ELAPOR2: variants seen among roughly 807,000 people sequenced by gnomAD.
ELAPOR2 encodes endosome/lysosome-associated apoptosis and autophagy regulator family member 2.
A neutral mutation model predicts 120.7 loss-of-function variants in ELAPOR2; 89 were observed. That is an observed-to-expected ratio of 0.74 (90% confidence interval 0.62 to 0.88). The LOEUF (loss-of-function observed/expected upper bound fraction) is 0.88. ELAPOR2 is among the 40% of genes least tolerant of loss of function. The pLI is 0.00. For missense variants in ELAPOR2, 1,134 were observed against 1,251.6 expected (o/e 0.91, Z 1.42); for synonymous variants, 444 against 444.9 (o/e 1.00, Z 0.03).
chr7:86,944,963 T>C lies in ELAPOR2; in HGVS notation c.590A>G (p.Lys197Arg). Reference sequence around the variant, plus strand: ...CTCAAAGAAGACATAGCCTGACTTCTTAAGGTGCACAGCATAGATCAAAGA... The same window carrying C: ...CTCAAAGAAGACATAGCCTGACTTCCTAAGGTGCACAGCATAGATCAAAGA... ...TVSLIYAVHL[K>R]KSGYVFFEYQ... The change falls in exon 4 of 22, where the codon AAG becomes AGG. Residue 197 changes from lysine (K) to arginine (R), a missense_variant. Lys to Arg is a conservative substitution (Grantham distance 26). Transcript: ENST00000450689. 1 of 1,550,906 alleles carries C rather than the reference T, an allele frequency of 6.4e-7. No homozygotes were observed. Among genetic ancestry groups the C allele is most frequent in the Non-Finnish European group, 8.7e-7 (1 of 1,146,552 alleles).
intron 1 of ELAPOR2, among the ~76,000 whole-genome samples, chr7:86,979,223 G>A (rs1792379435): frequency 6.6e-6 from 1 of 152,010 alleles, no homozygotes; most frequent in African/African-American, 2.4e-5. Context: ...ATAATTAAGA[G>A]GACAAAAGTT....
At chr7:86,960,666 T>A (rs1482671830) in intron 2 of ELAPOR2, among the ~76,000 whole-genome samples, 2 of 152,228 alleles carry the variant, frequency 1.3e-5, no homozygotes. Flanking sequence ...GAACTGTCAA[T>A]GTCTGCTTTA....
chr7:87,005,962 C>T (rs1793457097), intron 1 of ELAPOR2, among the ~76,000 whole-genome samples: 1 of 152,088 alleles, frequency 6.6e-6, no homozygotes, highest in Non-Finnish European at 1.5e-5. Context: ...CAAAACATGA[C>T]ATTAAGAAAA....
chr7:86,893,091 A>G lies in ELAPOR2; in HGVS notation c.2695T>C (p.Tyr899His). 1 of 1,534,980 alleles carries G rather than the reference A, an allele frequency of 6.5e-7. No individual in the cohort carries two copies. The highest frequency in any genetic ancestry group is 8.7e-7 in the Non-Finnish European group (1 of 1,152,020). Residue 899 changes from tyrosine (Y) to histidine (H), a missense_variant, in exon 20 of 22, where the codon TAT becomes CAT. Tyr to His is a moderately conservative substitution (Grantham distance 83). This residue lies in a region of ELAPOR2 where 831 missense variants were observed against 867.6 expected (regional missense o/e 0.96). Coordinates refer to ENST00000450689, the MANE Select transcript of ELAPOR2 (RefSeq NM_001142749.3). ...CACCATTTAGGTTCATTCCACACAT[A>G]CAAGGTTTCCTTTAAAAAAAAAAAC... ...ACKRGFQETL[Y>H]VWNEPKWCIK...
Position 87,007,135 on chromosome 7 carries a change from G to A in ELAPOR2, c.190-42111C>T, listed in dbSNP as rs112693685. Among the ~76,000 whole-genome samples the A allele has an allele frequency of 5.5e-3, 839 of 152,266 alleles. 10 individuals carry two copies. The highest frequency in any genetic ancestry group is 0.019 in the African/African-American group (798 of 41,550). The stretch of plus-strand genomic sequence containing the variant: ...AAGTACCCTGTCTTGACACAGATAT[G>A]TGCATGTGTCAAAGCTGAAACTGTA... On this transcript the variant is annotated intron_variant, in intron 1 of 21. Transcript: ENST00000450689.
chr7:87,001,917 C>A (rs1469663116), intron 1 of ELAPOR2, among the ~76,000 whole-genome samples: 1 of 152,098 alleles, frequency 6.6e-6, no homozygotes, highest in East Asian at 1.9e-4. Context: ...TGTAGGGAGA[C>A]TCAGTTATGA....
chr7:86,934,758 T>G (rs113009308), intron 8 of ELAPOR2, among the ~76,000 whole-genome samples: 64 of 152,128 alleles, frequency 4.2e-4, no homozygotes, highest in African/African-American at 1.5e-3. Flanking sequence ...AGCTCCAGAC[T>G]GATGTACATA....
chr7:86,922,298 A>G (rs1789868315), intron 10 of ELAPOR2, among the ~76,000 whole-genome samples: 2 of 151,272 alleles, frequency 1.3e-5, no homozygotes, highest in African/African-American at 4.9e-5. Context: ...ATAATTTTGT[A>G]TTTTCTTTTT....
At chr7:86,982,916 C>A (rs533161832) in intron 1 of ELAPOR2, among the ~76,000 whole-genome samples, 1 of 152,016 alleles carries the variant, frequency 6.6e-6, no homozygotes, top group South Asian at 2.1e-4. Context: ...TCAAACCCAT[C>A]GCAAGGAAGC....
chr7:87,040,140 A>C (rs1794728928), intron 1 of ELAPOR2, among the ~76,000 whole-genome samples: 1 of 152,220 alleles, frequency 6.6e-6, no homozygotes, highest in African/African-American at 2.4e-5. Context: ...AGTCTCGCTG[A>C]TTGCTAGCAC....
intron 1 of ELAPOR2, among the ~76,000 whole-genome samples, chr7:86,974,225 GC>G (rs1792198551): frequency 6.6e-6 from 1 of 151,950 alleles, no homozygotes; most frequent in African/African-American, 2.4e-5. Flanking sequence ...AACTAAAAGG[GC>G]GTCTTTGCTT....
chr7:86,933,265 G>A (rs568266749), intron 8 of ELAPOR2, among the ~76,000 whole-genome samples: 7 of 151,848 alleles, frequency 4.6e-5, no homozygotes, highest in Admixed American at 1.3e-4. Flanking sequence ...TTATCCATAA[G>A]GAAATCATGA....
At chr7:86,956,736 G>T (rs989394470) in intron 2 of ELAPOR2, among the ~76,000 whole-genome samples, 2 of 152,268 alleles carry the variant, frequency 1.3e-5, no homozygotes, top group African/African-American at 4.8e-5. Context: ...TTTGATGGGG[G>T]AGGGGAGAAA....
chr7:86,892,095 G>A (rs1788194062), intron 20 of ELAPOR2, among the ~76,000 whole-genome samples: 1 of 151,950 alleles, frequency 6.6e-6, no homozygotes, highest in East Asian at 1.9e-4. Flanking sequence ...CAGGATGTCA[G>A]AAATCAGTTC....
At chr7:86,900,021 A>G (rs1482996385) in intron 18 of ELAPOR2, among the ~76,000 whole-genome samples, 2 of 152,162 alleles carry the variant, frequency 1.3e-5, no homozygotes, top group Non-Finnish European at 2.9e-5. Context: ...AATTAGGTAA[A>G]CAATGAGAAA....
chr7:86,882,867 T>C lies in ELAPOR2; in HGVS notation c.3031-2337A>G, dbSNP rs556294419. Among the ~76,000 whole-genome samples the C allele has an allele frequency of 2.0e-5, 3 of 152,228 alleles. No homozygotes were observed. The South Asian group carries it at 6.2e-4, about 32-fold the overall frequency. On this transcript the variant is annotated intron_variant, in intron 21 of 21. Coordinates refer to ENST00000450689, the MANE Select transcript of ELAPOR2 (RefSeq NM_001142749.3). ...GACAAGGGTTCCAAACAGGATGATC[T>C]TTTTCAGCTCTAAACCCAAGAATCT...
chr7:86,981,700 G>C (rs1447154041), intron 1 of ELAPOR2, among the ~76,000 whole-genome samples: 6 of 152,168 alleles, frequency 3.9e-5, no homozygotes. Flanking sequence ...TTCCAAGATA[G>C]CCAAATAGGA....
intron 1 of ELAPOR2, among the ~76,000 whole-genome samples, chr7:87,019,995 G>T (rs1357020246): frequency 6.6e-6 from 1 of 151,834 alleles, no homozygotes; most frequent in East Asian, 1.9e-4. Context: ...AATATTTTTA[G>T]TTTTTCATTT....
chr7:87,047,082 T>C (rs918802332), intron 1 of ELAPOR2, among the ~76,000 whole-genome samples: 7 of 152,190 alleles, frequency 4.6e-5, no homozygotes, highest in Admixed American at 1.3e-4. Flanking sequence ...GAATATACAC[T>C]GGGGAAAGGA....
Sources: allele counts gnomAD v4.1 joint callset (sites outside exome capture counted in the v4.1 genomes callset), GRCh38; gene constraint gnomAD v4.1.1; regional missense constraint gnomAD v4.1.1; transcripts MANE v1.5; gene names NCBI Gene and HGNC (gene_info 2026-07-23, HGNC 2026-07-21).